Variants in EPS15 observed in about 807,000 individuals in gnomAD.
The protein encoded by EPS15 is epidermal growth factor receptor pathway substrate 15.
Under a neutral mutation model 113.8 loss-of-function variants are expected in EPS15, and 72 were observed. The observed-to-expected ratio is 0.63, with a 90% CI of 0.52 to 0.77. The LOEUF (loss-of-function observed/expected upper bound fraction) is 0.77. Ranked by LOEUF, EPS15 falls within the 30% of genes least tolerant of loss-of-function variation. The probability of loss-of-function intolerance (pLI) is 0.00; values close to 1 mark genes in which losing one functional copy is unlikely to be tolerated. For synonymous variants in EPS15, 344 were observed against 363.4 expected (o/e 0.95, Z 0.61); for missense variants, 1,048 against 1,045.8 (o/e 1.00, Z -0.03).
chr1:51,358,269 C>G (rs987907662), intron 24 of EPS15, among the ~76,000 whole-genome samples: 1 of 151,722 alleles, frequency 6.6e-6, no homozygotes, highest in Admixed American at 6.6e-5. Flanking sequence ...CCAGCCAGAT[C>G]GACGGAGTGA....
At chr1:51,508,308 GAGAA>G (rs778079038) in intron 1 of EPS15, among the ~76,000 whole-genome samples, 4 of 129,840 alleles carry the variant, frequency 3.1e-5, no homozygotes, top group Admixed American at 7.7e-5. Context: ...GAGAGAAAGA[GAGAA>G]AGAGAGAAAG....
In EPS15 at chr1:51,409,676, T is replaced by G; in HGVS notation, c.1134A>C (p.Gln378His). The change falls in exon 14 of 25, where the codon CAA (glutamine) becomes CAC (histidine). Residue 378 changes from glutamine to histidine, a missense_variant. Physicochemically the swap from Gln to His is conservative, Grantham distance 24. Transcript: ENST00000371733. ...SEVQDLQDEV[Q>H]RENTNLQKLQ... ...GTTTTTGCAGATTAGTATTCTCCCT[T>G]TGAACTTCATCTTGAAGATCCTAAA... is the stretch of plus-strand genomic sequence containing the variant. The G allele has an allele frequency of 6.2e-7, 1 of 1,608,812 alleles. No individual in the cohort carries two copies.
intron 13 of EPS15, among the ~76,000 whole-genome samples, chr1:51,413,192 C>T (rs1265578699): frequency 6.6e-6 from 1 of 152,186 alleles, no homozygotes; most frequent in African/African-American, 2.4e-5. Context: ...ACCATATGTA[C>T]CTGGAAACCC....
intron 5 of EPS15, among the ~76,000 whole-genome samples, chr1:51,465,579 G>A (rs1402936081): frequency 1.3e-5 from 2 of 151,984 alleles, no homozygotes; most frequent in Non-Finnish European, 2.9e-5. Flanking sequence ...TGTCGCCCAG[G>A]CTGGAGTGCA....
chr1:51,465,230 G>A (rs751396348), intron 6 of EPS15, 31 bp downstream of exon 6: 1 of 1,385,028 alleles, frequency 7.2e-7, no homozygotes, highest in Non-Finnish European at 1.0e-6. Flanking sequence ...AGCAATGAAG[G>A]GGTGAGAGAA....
At chr1:51,493,628 GT>G (rs1644280131) in intron 1 of EPS15, among the ~76,000 whole-genome samples, 1 of 150,798 alleles carries the variant, frequency 6.6e-6, no homozygotes, top group Non-Finnish European at 1.5e-5. Context: ...TTTTTGGGGG[GT>G]GGATGGGAGG....
At chr1:51,477,240 T>C (rs999929278) in intron 2 of EPS15, among the ~76,000 whole-genome samples, 3 of 152,220 alleles carry the variant, frequency 2.0e-5, no homozygotes, top group Non-Finnish European at 4.4e-5. Flanking sequence ...TTTATTTGCA[T>C]AGAGGTGTTT....
chr1:51,418,460 C>A (rs551816981), intron 13 of EPS15, among the ~76,000 whole-genome samples: 1 of 151,794 alleles, frequency 6.6e-6, no homozygotes, highest in Non-Finnish European at 1.5e-5. Context: ...GTGGTATGGG[C>A]AAGCAGCAGA....
rs1411862348 is a variant in EPS15 at position 51,374,999 on chromosome 1, T to TTTG, written c.2120-8971_2120-8970insCAA. Among the ~76,000 whole-genome samples the TTTG allele has an allele frequency of 8.0e-4, 107 of 134,292 alleles. No individual in the cohort carries two copies. In the East Asian group the frequency reaches 0.021, roughly 26 times the overall value. 88.1% of individuals were successfully genotyped at this position (134,292 alleles called of 152,430 possible). On this transcript the variant is annotated intron_variant, in intron 21 of 24. Coordinates refer to ENST00000371733, the MANE Select transcript of EPS15 (RefSeq NM_001981.3). ...CCATAAAATATTTAATATACTTCTT[T>TTTG]TTTTTTTTTTTTTTTTTTTTGAGAT...
At chr1:51,454,979 T>C (rs930362988) in intron 8 of EPS15, among the ~76,000 whole-genome samples, 3 of 150,842 alleles carry the variant, frequency 2.0e-5, no homozygotes, top group Non-Finnish European at 4.4e-5. Flanking sequence ...CAGGTTAGCC[T>C]GGGTTGTAAG....
chr1:51,375,605 A>C (rs1473561968), intron 21 of EPS15, among the ~76,000 whole-genome samples: 1 of 152,320 alleles, frequency 6.6e-6, no homozygotes, highest in East Asian at 1.9e-4. Context: ...GAACAAGTAA[A>C]CTAATTAAAT....
intron 1 of EPS15, among the ~76,000 whole-genome samples, chr1:51,509,204 G>A (rs1644576195): frequency 6.7e-6 from 1 of 149,948 alleles, no homozygotes; most frequent in Non-Finnish European, 1.5e-5. Context: ...CTGAAACAGA[G>A]GATCAACCAT....
At chr1:51,508,320 AAGAG>A (rs879891406) in intron 1 of EPS15, among the ~76,000 whole-genome samples, 10 of 139,872 alleles carry the variant, frequency 7.1e-5, no homozygotes, top group African/African-American at 2.0e-4. Flanking sequence ...GAAAGAGAGA[AAGAG>A]AGAAAGAGAA....
intron 4 of EPS15, among the ~76,000 whole-genome samples, chr1:51,469,443 A>T (rs1655087578): frequency 6.6e-6 from 1 of 152,196 alleles, no homozygotes; most frequent in African/African-American, 2.4e-5. Context: ...TAGCAGTTGA[A>T]GTCTTAGTCC....
chr1:51,421,292 T>C (rs1456080682), intron 13 of EPS15, among the ~76,000 whole-genome samples: 2 of 152,170 alleles, frequency 1.3e-5, no homozygotes, highest in Admixed American at 6.6e-5. Context: ...ACTCATAAAA[T>C]GCTACTTTAA....
intron 16 of EPS15, among the ~76,000 whole-genome samples, chr1:51,403,952 G>A (rs531060584): frequency 3.9e-5 from 6 of 152,232 alleles, no homozygotes; most frequent in African/African-American, 1.4e-4. Context: ...CAAACTAATA[G>A]CTCTAAAATG....
chr1:51,404,271 G>A (rs754864296), intron 16 of EPS15, among the ~76,000 whole-genome samples: 11 of 150,996 alleles, frequency 7.3e-5, no homozygotes, highest in African/African-American at 1.5e-4. Flanking sequence ...GCTTAAACCC[G>A]GGAGGCTGAG....
intron 1 of EPS15, among the ~76,000 whole-genome samples, chr1:51,498,575 G>A (rs1644364346): frequency 6.6e-6 from 1 of 152,184 alleles, no homozygotes; most frequent in African/African-American, 2.4e-5. Flanking sequence ...ACTAAGCTAT[G>A]ATGTTTGGTA....
At chr1:51,508,304 A>AAGAG (rs1388790449) in intron 1 of EPS15, among the ~76,000 whole-genome samples, 1 of 122,592 alleles carries the variant, frequency 8.2e-6, no homozygotes, top group Non-Finnish European at 1.7e-5. Flanking sequence ...GAGAGAGAGA[A>AAGAG]AGAGAGAAAG....
Sources: allele counts gnomAD v4.1 joint callset (sites outside exome capture counted in the v4.1 genomes callset), GRCh38; gene constraint gnomAD v4.1.1; transcripts MANE v1.5; gene names NCBI Gene and HGNC (gene_info 2026-07-23, HGNC 2026-07-21).